Variants in DPP6 observed in about 807,000 individuals in gnomAD.
The protein encoded by DPP6 is dipeptidyl peptidase like 6.
Under a neutral mutation model 122.6 loss-of-function variants are expected in DPP6, and 69 were observed. That is an observed-to-expected ratio of 0.56 (90% CI 0.46 to 0.69). The LOEUF (loss-of-function observed/expected upper bound fraction) is 0.69. DPP6 is among the 30% of genes least tolerant of loss of function. DPP6 has a pLI of 0.00. For synonymous variants in DPP6, 418 were observed against 433.1 expected (o/e 0.97, Z 0.43); for missense variants, 928 against 1,116.9 (o/e 0.83, Z 2.41).
chr7:153,957,317 T>G (rs962396437), intron 1 of DPP6, among the ~76,000 whole-genome samples: 1 of 152,182 alleles, frequency 6.6e-6, no homozygotes, highest in African/African-American at 2.4e-5. Flanking sequence ...CACTAGCAAG[T>G]CCACAGACTG....
rs1343191468 is a variant in DPP6, at chr7:154,481,524, G to GC, written c.457+6493dup. The stretch of plus-strand genomic sequence containing the variant: ...TGCCCACTGTGCGAGCACAGCCCTG[G>GC]CCCCCCGACCCTCCATGTCTCAGAC... On this transcript the variant is annotated intron_variant, in intron 3 of 25. Transcript: ENST00000377770. This position sits in a 1 kb window ranked among gnomAD's most constrained non-coding sequence, Gnocchi z 4.2. Among the ~76,000 whole-genome samples, 1 of 147,912 alleles carries GC rather than the reference G, an allele frequency of 6.8e-6. No individual in the cohort carries two copies. Among genetic ancestry groups the GC allele is most frequent in the Non-Finnish European group, 1.5e-5 (1 of 67,092 alleles).
rs536112692 is a variant in DPP6 at position 154,795,895 on chromosome 7, A to G, written c.1299+12A>G. Reference sequence around the variant, plus strand: ...GGCTCCACAGACAGGTAACTACTGCATGTCCGGGTCCCCACTGTCACCTCC... The same window carrying G: ...GGCTCCACAGACAGGTAACTACTGCGTGTCCGGGTCCCCACTGTCACCTCC... On this transcript the variant is annotated intron_variant, in intron 12 of 25. Coordinates refer to ENST00000377770, the MANE Select transcript of DPP6 (RefSeq NM_130797.4). 7.5e-6 allele frequency: 12 copies of G among 1,608,684 alleles called. No homozygotes were observed. Among genetic ancestry groups the G allele is most frequent in the African/African-American group, 6.7e-5 (5 of 74,634 alleles).
intron 16 of DPP6, among the ~76,000 whole-genome samples, chr7:154,851,144 T>G (rs1802343746): frequency 6.6e-6 from 1 of 152,304 alleles, no homozygotes; most frequent in South Asian, 2.1e-4. Context: ...TAGAAACATA[T>G]ATTAAGTTTA....
intron 1 of DPP6, among the ~76,000 whole-genome samples, chr7:154,276,147 ATTTTGTTTTAAGCT>A (rs1804114634): frequency 1.3e-5 from 2 of 152,170 alleles, no homozygotes; most frequent in South Asian, 4.1e-4. Context: ...GGGTGGGTCT[ATTTTGTTTTAAGCT>A]TATGGATATT....
At chr7:154,300,703 A>T (rs1805847385) in intron 1 of DPP6, among the ~76,000 whole-genome samples, 1 of 152,150 alleles carries the variant, frequency 6.6e-6, no homozygotes, top group African/African-American at 2.4e-5. Flanking sequence ...AAACATCTGG[A>T]TATGAATACC....
chr7:154,249,541 T>A (rs1802215700), intron 1 of DPP6, among the ~76,000 whole-genome samples: 1 of 152,164 alleles, frequency 6.6e-6, no homozygotes, highest in Admixed American at 6.5e-5. Flanking sequence ...ATTTCATGAG[T>A]ATTTTCTTCA....
At chr7:154,139,161 A>G (rs945860999) in intron 1 of DPP6, among the ~76,000 whole-genome samples, 6 of 151,620 alleles carry the variant, frequency 4.0e-5, no homozygotes, top group Non-Finnish European at 5.9e-5. Context: ...GTTGTCTCAT[A>G]TGCTTATGGA....
At chr7:154,182,946 C>T (rs1182099282) in intron 1 of DPP6, among the ~76,000 whole-genome samples, 1 of 152,180 alleles carries the variant, frequency 6.6e-6, no homozygotes, top group Non-Finnish European at 1.5e-5. Flanking sequence ...TCTCTTCCCA[C>T]TCTGTGCCCT....
At chr7:154,387,693 A>C (rs184339208) in intron 1 of DPP6, among the ~76,000 whole-genome samples, 1 of 151,920 alleles carries the variant, frequency 6.6e-6, no homozygotes, top group African/African-American at 2.4e-5. Context: ...CCTCCCCCCA[A>C]CCGAGCCCCA....
At chr7:154,691,782 G>A (rs1044876141) in intron 7 of DPP6, among the ~76,000 whole-genome samples, 8 of 151,818 alleles carry the variant, frequency 5.3e-5, no homozygotes, top group Non-Finnish European at 8.8e-5. Flanking sequence ...CGGTGCCACT[G>A]CACTCCAGCC....
intron 1 of DPP6, among the ~76,000 whole-genome samples, chr7:154,206,955 A>C (rs1799480058): frequency 6.6e-6 from 1 of 152,232 alleles, no homozygotes; most frequent in African/African-American, 2.4e-5. Context: ...AAGGTATGCA[A>C]GGAAGGGCTG....
intron 1 of DPP6, among the ~76,000 whole-genome samples, chr7:153,944,664 G>GGT (rs1491256554): frequency 9.3e-6 from 1 of 106,982 alleles, no homozygotes; most frequent in African/African-American, 3.8e-5. Flanking sequence ...TTTTGTGTGG[G>GGT]TTTTTTTTTT....
chr7:154,532,069 A>G (rs1827880677), intron 3 of DPP6, among the ~76,000 whole-genome samples: 2 of 152,154 alleles, frequency 1.3e-5, no homozygotes, highest in Admixed American at 1.3e-4. Flanking sequence ...TTATATGTGC[A>G]TATGGTATAT....
At chr7:153,854,391 G>GA in the DPP6 span, among the ~76,000 whole-genome samples, 2 of 151,456 alleles carry the variant, frequency 1.3e-5, no homozygotes, top group Non-Finnish European at 2.9e-5. Flanking sequence ...AAATTTACAA[G>GA]AAAAAAACAA....
chr7:153,952,797 A>C (rs1802281959), intron 1 of DPP6, among the ~76,000 whole-genome samples: 2 of 152,258 alleles, frequency 1.3e-5, no homozygotes, highest in African/African-American at 2.4e-5. Context: ...TGACACAAGC[A>C]TTCAGTTATA....
At chr7:154,655,605 CCT>C (rs1563066254) in intron 6 of DPP6, among the ~76,000 whole-genome samples, 3 of 152,196 alleles carry the variant, frequency 2.0e-5, no homozygotes, top group Admixed American at 2.0e-4. Flanking sequence ...TGCCTGTCTT[CCT>C]CTCTGTCACA....
intron 6 of DPP6, among the ~76,000 whole-genome samples, chr7:154,654,715 G>A (rs12535280): frequency 0.13 from 19,316 of 151,756 alleles, 1,299 homozygotes; most frequent in African/African-American, 0.18. Context: ...ACCGTGCCCG[G>A]CCCAAGTGTT....
chr7:154,162,124 G>A (rs1311720292), intron 1 of DPP6, among the ~76,000 whole-genome samples: 2 of 146,174 alleles, frequency 1.4e-5, no homozygotes, highest in African/African-American at 2.5e-5. Flanking sequence ...GGTTCATCTC[G>A]AAACTCAGAG....
chr7:154,209,858 A>G (rs1799646478), intron 1 of DPP6, among the ~76,000 whole-genome samples: 1 of 152,180 alleles, frequency 6.6e-6, no homozygotes, highest in African/African-American at 2.4e-5. Flanking sequence ...GGGAGGAACA[A>G]GACAGTCAAA....
Sources: gnomAD v4.1 joint callset for allele counts (sites outside exome capture counted in the v4.1 genomes callset) on GRCh38, gnomAD v4.1.1 for gene constraint, Gnocchi (gnomAD v3.1) non-coding constraint, MANE v1.5 for transcripts, NCBI Gene and HGNC (gene_info 2026-07-23, HGNC 2026-07-21) for gene names.